CSMD3: variants seen among roughly 807,000 people sequenced by gnomAD.
CSMD3 encodes CUB and Sushi multiple domains 3.
In CSMD3, 177 loss-of-function variants were observed where a neutral mutation model predicts 435.2. The ratio of observed to expected loss-of-function variants is 0.41; its 90% CI spans 0.36 to 0.46. CSMD3 has a LOEUF of 0.46. Ranked by LOEUF, CSMD3 falls within the 20% of genes least tolerant of loss-of-function variation. The pLI, the probability that CSMD3 is intolerant of heterozygous loss-of-function variation, is 0.34. For missense variants in CSMD3, 4,265 were observed against 4,504.6 expected (o/e 0.95, Z 1.52); for synonymous variants, 1,656 against 1,520.5 (o/e 1.09, Z -2.07).
At chr8:112,945,428 G>T (rs187992423) in intron 9 of CSMD3, among the ~76,000 whole-genome samples, 58 of 151,656 alleles carry the variant, frequency 3.8e-4, no homozygotes, top group Admixed American at 2.6e-3. Flanking sequence ...CCCATCATAG[G>T]CAGGTGAGCT....
At chr8:113,023,507 C>A (rs1006129858) in intron 5 of CSMD3, among the ~76,000 whole-genome samples, 1 of 152,078 alleles carries the variant, frequency 6.6e-6, no homozygotes, top group Non-Finnish European at 1.5e-5. Flanking sequence ...ATGTATCCAT[C>A]ATGAATCTTC....
chr8:112,809,914 C>A (rs1399657033), intron 12 of CSMD3, among the ~76,000 whole-genome samples: 1 of 152,160 alleles, frequency 6.6e-6, no homozygotes, highest in African/African-American at 2.4e-5. Flanking sequence ...GGAGGTAGCA[C>A]CTGTCTCCCA....
At chr8:113,430,169 T>C (rs540790964) in intron 1 of CSMD3, among the ~76,000 whole-genome samples, 41 of 152,272 alleles carry the variant, frequency 2.7e-4, no homozygotes, top group Non-Finnish European at 4.9e-4. Flanking sequence ...AGTGAAATAA[T>C]AGCTAGTGAG....
At chr8:113,368,671 G>C (rs1030819165) in intron 1 of CSMD3, among the ~76,000 whole-genome samples, 2 of 152,042 alleles carry the variant, frequency 1.3e-5, no homozygotes, top group Non-Finnish European at 2.9e-5. Flanking sequence ...CATTGGCAAA[G>C]CAAGTGATGC....
At chr8:112,836,445 C>T (rs976425741) in intron 11 of CSMD3, among the ~76,000 whole-genome samples, 1 of 151,810 alleles carries the variant, frequency 6.6e-6, no homozygotes, top group Non-Finnish European at 1.5e-5. Context: ...TGAGATGGGT[C>T]CTAATCACTC....
intron 66 of CSMD3, among the ~76,000 whole-genome samples, chr8:112,240,236 C>T (rs184441771): frequency 3.3e-5 from 5 of 151,974 alleles, no homozygotes; most frequent in African/African-American, 7.2e-5. Context: ...ACTAACTTTG[C>T]GTTTTAAAAT....
At chr8:112,614,544 C>A (rs1443952094) in intron 22 of CSMD3, among the ~76,000 whole-genome samples, 1 of 151,908 alleles carries the variant, frequency 6.6e-6, no homozygotes, top group Non-Finnish European at 1.5e-5. Flanking sequence ...GCCGTTTCCC[C>A]AAAACACAAA....
Position 113,324,519 on chromosome 8 carries a change from A to G in CSMD3, c.179-9726T>C, listed in dbSNP as rs1050519713. The stretch of plus-strand genomic sequence containing the variant: ...TGAGCCTGAGAGTGCACAGAAGTAA[A>G]GAACTGGGGTTTGGGAACCTCCACC... On this transcript the variant is annotated intron_variant, in intron 1 of 70. Coordinates refer to ENST00000297405, the MANE Select transcript of CSMD3 (RefSeq NM_198123.2). Among the ~76,000 whole-genome samples the G allele has an allele frequency of 4.1e-4, 63 of 152,186 alleles. 1 individual carries two copies. Among genetic ancestry groups the G allele is most frequent in the Non-Finnish European group, 4.4e-5 (3 of 68,032 alleles).
At chr8:112,673,171 C>T (rs1348661012) in intron 16 of CSMD3, among the ~76,000 whole-genome samples, 1 of 150,598 alleles carries the variant, frequency 6.6e-6, no homozygotes, top group Non-Finnish European at 1.5e-5. Context: ...CATTTTGTTC[C>T]TTAAAAAAAA....
chr8:113,110,111 C>T (rs1004936814), intron 4 of CSMD3, among the ~76,000 whole-genome samples: 1 of 152,162 alleles, frequency 6.6e-6, no homozygotes, highest in African/African-American at 2.4e-5. Flanking sequence ...CCTTTGACAT[C>T]ATTCTTCCAC....
At chr8:112,449,279 G>A (rs949083120) in intron 32 of CSMD3, among the ~76,000 whole-genome samples, 4 of 152,118 alleles carry the variant, frequency 2.6e-5, no homozygotes, top group Non-Finnish European at 5.9e-5. Context: ...GATTTATTTT[G>A]TTTTTGTGTT....
chr8:112,472,861 T>A (rs1818667683), intron 31 of CSMD3, among the ~76,000 whole-genome samples, 154 bp from the exon 32 acceptor site: 1 of 152,164 alleles, frequency 6.6e-6, no homozygotes, highest in Admixed American at 6.5e-5. Flanking sequence ...TGTTAAATAT[T>A]TGAAAAATAA....
chr8:112,487,760 G>A (rs930897507), intron 31 of CSMD3, among the ~76,000 whole-genome samples: 1 of 152,072 alleles, frequency 6.6e-6, no homozygotes, highest in Non-Finnish European at 1.5e-5. Context: ...ACATGATTAG[G>A]TCAGATAAAT....
At position 112,408,339 on chromosome 8, in the gene CSMD3, C is replaced by A. The variant is rs2130063074; in HGVS notation, c.5584G>T (p.Gly1862Ter). ...FTSVGPITAK[G>*]FHFVYQAVPR... ...TTACCTTGGTAAACAAAGTGAAATC[C>A]CTTAGCTGTTATTGGTCCAACTGAA... Residue 1862 changes from glycine to a stop codon, truncating the protein, a stop_gained, in exon 34 of 71, where the codon GGA (glycine) becomes TGA (stop). Coordinates refer to ENST00000297405, the MANE Select transcript of CSMD3 (RefSeq NM_198123.2). LOFTEE classifies it high-confidence loss of function. 1 of 1,607,834 alleles carries A rather than the reference C, an allele frequency of 6.2e-7. No individual in the cohort carries two copies. Among genetic ancestry groups the A allele is most frequent in the Non-Finnish European group, 8.5e-7 (1 of 1,174,790 alleles).
intron 32 of CSMD3, among the ~76,000 whole-genome samples, chr8:112,450,681 T>G (rs539781414): frequency 3.9e-5 from 6 of 152,290 alleles, no homozygotes; most frequent in Admixed American, 2.6e-4. Context: ...TCTCAAAAAT[T>G]TAATTGTACA....
At chr8:112,871,609 A>T (rs969687697) in intron 10 of CSMD3, among the ~76,000 whole-genome samples, 1 of 152,110 alleles carries the variant, frequency 6.6e-6, no homozygotes, top group Non-Finnish European at 1.5e-5. Flanking sequence ...AAGGAAAGAA[A>T]GTGCAAACAA....
At chr8:113,069,221 T>C (rs988518340) in intron 5 of CSMD3, among the ~76,000 whole-genome samples, 6 of 152,090 alleles carry the variant, frequency 3.9e-5, no homozygotes, top group African/African-American at 9.7e-5. Context: ...CGCTGCCTAG[T>C]AGATTAGACT....
intron 14 of CSMD3, among the ~76,000 whole-genome samples, chr8:112,687,857 G>A (rs1245222128): frequency 6.6e-6 from 1 of 151,936 alleles, no homozygotes; most frequent in East Asian, 1.9e-4. Flanking sequence ...AAAAGTTAAG[G>A]CACCCCAGTT....
intron 16 of CSMD3, among the ~76,000 whole-genome samples, chr8:112,674,190 C>G (rs983064774): frequency 3.9e-5 from 6 of 152,132 alleles, no homozygotes; most frequent in African/African-American, 1.4e-4. Context: ...ATTCATTCCT[C>G]TACTTACTTC....
Sources: gnomAD v4.1 joint callset for allele counts (sites outside exome capture counted in the v4.1 genomes callset) on GRCh38, gnomAD v4.1.1 for gene constraint, MANE v1.5 for transcripts, NCBI Gene and HGNC (gene_info 2026-07-23, HGNC 2026-07-21) for gene names.